Variants in STX2 observed in about 807,000 individuals in gnomAD.
The protein encoded by STX2 is syntaxin 2.
STX2 carries 27 observed loss-of-function variants against 40.6 expected under a neutral mutation model. That is an observed-to-expected ratio of 0.66 (90% CI 0.49 to 0.92). The LOEUF (loss-of-function observed/expected upper bound fraction) is 0.92. Ranked by LOEUF, STX2 falls within the 40% of genes least tolerant of loss-of-function variation. The pLI is 0.00. For synonymous variants in STX2, 123 were observed against 119.1 expected (o/e 1.03, Z -0.22); for missense variants, 328 against 366.1 (o/e 0.90, Z 0.85).
intron 6 of STX2, among the ~76,000 whole-genome samples, chr12:130,804,325 C>T (rs1489742268): frequency 6.6e-6 from 1 of 152,230 alleles, no homozygotes; most frequent in African/African-American, 2.4e-5. Flanking sequence ...AGACAGCCCG[C>T]TGTGTGGCCA....
chr12:130,821,178 G>A (rs919612263), intron 3 of STX2, among the ~76,000 whole-genome samples: 4 of 152,188 alleles, frequency 2.6e-5, no homozygotes, highest in Non-Finnish European at 5.9e-5. Context: ...GAGGCAGGGA[G>A]AATTTGGATA....
In STX2 at chr12:130,798,547, T is replaced by G. The variant is rs774414812; in HGVS notation, c.764A>C (p.Lys255Thr). The G allele has an allele frequency of 6.2e-7, 1 of 1,604,012 alleles. No homozygotes were observed. The highest frequency in any genetic ancestry group is 1.1e-5 in the South Asian group (1 of 88,550). ...HAKEETKKAI[K>T]YQSKARRKKW... ...CACCCTTCTTGCCTTGCTCTGATAT[T>G]TGATAGCTTTTTTTGTTTCTTCTTT... The change falls in exon 9 of 11, where the codon AAA (lysine) becomes ACA (threonine). Residue 255 changes from lysine to threonine, a missense_variant. Lys to Thr is a moderately conservative substitution (Grantham distance 78). Coordinates refer to ENST00000392373, the MANE Select transcript of STX2 (RefSeq NM_194356.4).
intron 10 of STX2, among the ~76,000 whole-genome samples, chr12:130,793,127 G>A (rs1950926214): frequency 6.6e-6 from 1 of 152,120 alleles, no homozygotes; most frequent in African/African-American, 2.4e-5. Flanking sequence ...CAAGACTGCC[G>A]GCTCAGTCAG....
chr12:130,838,664 G>C (rs1336380722), intron 1 of STX2, among the ~76,000 whole-genome samples: 3 of 152,194 alleles, frequency 2.0e-5, no homozygotes, highest in African/African-American at 7.2e-5. Flanking sequence ...GACCCCGTGG[G>C]GCGGACCACA....
At chr12:130,801,578 T>G in intron 6 of STX2, 90 bp from the exon 7 acceptor site, 3 of 1,335,278 alleles carry the variant, frequency 2.2e-6, no homozygotes, top group Non-Finnish European at 9.9e-7. Flanking sequence ...ACTACAATCA[T>G]AGTTGTTAGC....
chr12:130,798,553 GCTTT>G lies in STX2; in HGVS notation c.754_757del (p.Lys252LeufsTer14). On this transcript the variant is annotated frameshift_variant, in exon 9 of 11. Coordinates refer to ENST00000392373, the MANE Select transcript of STX2 (RefSeq NM_194356.4). LOFTEE classifies it high-confidence loss of function. ...TCTTGCCTTGCTCTGATATTTGATA[GCTTT>G]TTTTGTTTCTTCTTTAGCGTGTTCT... 1 of 1,604,774 alleles carries G rather than the reference GCTTT, an allele frequency of 6.2e-7. No individual in the cohort carries two copies. Among genetic ancestry groups the G allele is most frequent in the Non-Finnish European group, 8.5e-7 (1 of 1,177,486 alleles).
At chr12:130,801,937 G>T (rs892224100) in intron 6 of STX2, among the ~76,000 whole-genome samples, 1 of 152,172 alleles carries the variant, frequency 6.6e-6, no homozygotes. Context: ...AGTTAAATGT[G>T]TAATGACTTC....
At chr12:130,814,166 G>C (rs1593154668) in intron 3 of STX2, among the ~76,000 whole-genome samples, 1 of 151,836 alleles carries the variant, frequency 6.6e-6, no homozygotes, top group African/African-American at 2.4e-5. Flanking sequence ...AGAGGTGACA[G>C]GTCACGCACC....
chr12:130,822,503 C>T (rs1214948188), intron 2 of STX2, among the ~76,000 whole-genome samples: 2 of 152,072 alleles, frequency 1.3e-5, no homozygotes, highest in East Asian at 3.8e-4. Context: ...TAATTATTAT[C>T]TTTGACCTCT....
At chr12:130,834,236 CA>C (rs1341184119) in intron 1 of STX2, among the ~76,000 whole-genome samples, 3 of 151,500 alleles carry the variant, frequency 2.0e-5, no homozygotes, top group Non-Finnish European at 4.4e-5. Context: ...ATACAAAAAT[CA>C]GCTGGGTGTC....
rs1367691468 is a variant in STX2, at chr12:130,790,450, T to G, written c.*1573A>C. On this transcript the variant is annotated 3_prime_UTR_variant, in exon 11 of 11. Transcript: ENST00000392373. Reference sequence around the variant, plus strand: ...TCCTGCATGCACTCCTTTAACATTCTGACTAGTGACTCTCTTAACAGATGT... The same window carrying G: ...TCCTGCATGCACTCCTTTAACATTCGGACTAGTGACTCTCTTAACAGATGT... The G allele has an allele frequency of 6.6e-6, 1 of 152,218 alleles. No homozygotes were observed. The highest frequency in any genetic ancestry group is 1.5e-5 in the Non-Finnish European group (1 of 68,040). 9.4% of individuals were successfully genotyped at this position (152,218 alleles called of 1,614,324 possible).
At chr12:130,811,134 G>A (rs1369321372) in intron 4 of STX2, among the ~76,000 whole-genome samples, 1 of 152,158 alleles carries the variant, frequency 6.6e-6, no homozygotes, top group African/African-American at 2.4e-5. Context: ...GAGACTGGCG[G>A]ATCATTTGAG....
intron 1 of STX2, among the ~76,000 whole-genome samples, chr12:130,827,787 T>C (rs1952381366): frequency 6.6e-6 from 1 of 152,108 alleles, no homozygotes; most frequent in Admixed American, 6.5e-5. Context: ...ATGCCTGTGG[T>C]CCCAGCTACT....
chr12:130,837,501 C>T (rs1952788527), intron 1 of STX2, among the ~76,000 whole-genome samples: 1 of 152,214 alleles, frequency 6.6e-6, no homozygotes, highest in South Asian at 2.1e-4. Flanking sequence ...CCAGGCTAGT[C>T]TCCAACTCCT....
chr12:130,821,747 A>G lies in STX2; in HGVS notation c.147T>C (p.Tyr49=). 3 of 1,613,596 alleles carry G rather than the reference A, an allele frequency of 1.9e-6. No homozygotes were observed. The highest frequency in any genetic ancestry group is 1.1e-5 in the South Asian group (1 of 91,064). The change falls in exon 3 of 11, where the codon TAT becomes TAC. Residue 49 remains tyrosine (Y), a synonymous_variant. Coordinates refer to ENST00000392373, the MANE Select transcript of STX2 (RefSeq NM_194356.4). ...TGTGGTTTTTCTTTACTTCTTCAAC[A>G]TATTGAGTTATTTTATCAATACTGT... ...IRNSIDKITQ[Y]VEEVKKNHSI... is the part of the protein sequence containing the mutation.
chr12:130,833,839 A>G (rs1952663631), intron 1 of STX2, among the ~76,000 whole-genome samples: 1 of 152,234 alleles, frequency 6.6e-6, no homozygotes, highest in South Asian at 2.1e-4. Flanking sequence ...GCATTTTCAA[A>G]TGGAAACAGA....
At chr12:130,797,467 G>A (rs1951065690) in intron 9 of STX2, among the ~76,000 whole-genome samples, 1 of 152,012 alleles carries the variant, frequency 6.6e-6, no homozygotes, top group Non-Finnish European at 1.5e-5. Flanking sequence ...CGGAGGGTGT[G>A]CCCTGGCGGC....
chr12:130,817,940 G>T (rs1356272415), intron 3 of STX2, among the ~76,000 whole-genome samples: 2 of 151,762 alleles, frequency 1.3e-5, no homozygotes, highest in African/African-American at 2.4e-5. Flanking sequence ...GGGTGGGGTG[G>T]TCCCAGCCTG....
chr12:130,818,434 C>T (rs1184080039), intron 3 of STX2, among the ~76,000 whole-genome samples: 2 of 151,748 alleles, frequency 1.3e-5, no homozygotes, highest in Non-Finnish European at 2.9e-5. Flanking sequence ...AAGGCAGATG[C>T]CACCACTAGC....
Sources: allele counts gnomAD v4.1 joint callset (sites outside exome capture counted in the v4.1 genomes callset), GRCh38; gene constraint gnomAD v4.1.1; transcripts MANE v1.5; gene names NCBI Gene and HGNC (gene_info 2026-07-23, HGNC 2026-07-21).